The following GPR160 variants were observed in gnomAD, a reference collection of about 807,000 sequenced individuals.
The protein encoded by GPR160 is G protein-coupled receptor 160, also known as probable G protein-coupled receptor 160.
Under a neutral mutation model 2.6 loss-of-function variants are expected in GPR160, and 2 were observed. The ratio of observed to expected loss-of-function variants is 0.77; its 90% CI spans 0.32 to 2.44. GPR160 has a LOEUF of 2.44. Ranked by LOEUF, GPR160 falls within the 30% of genes most tolerant of loss-of-function variation. GPR160 has a pLI of 0.11. For missense variants in GPR160, 351 were observed against 383.6 expected (o/e 0.91, Z 0.71); for synonymous variants, 130 against 132.2 (o/e 0.98, Z 0.12).
intron 2 of GPR160, among the ~76,000 whole-genome samples, chr3:170,076,352 C>CT (rs958495241): frequency 5.9e-5 from 9 of 151,310 alleles, no homozygotes; most frequent in African/African-American, 1.9e-4. Flanking sequence ...AGTTGAGTGA[C>CT]TTTTTTTTTC....
intron 2 of GPR160, among the ~76,000 whole-genome samples, chr3:170,055,861 C>T (rs1177533734): frequency 6.6e-6 from 1 of 152,162 alleles, no homozygotes; most frequent in African/African-American, 2.4e-5. Context: ...GTCTCGATCT[C>T]CTCACTTCGT....
At chr3:170,071,704 G>A (rs1712604661) in intron 2 of GPR160, among the ~76,000 whole-genome samples, 1 of 152,152 alleles carries the variant, frequency 6.6e-6, no homozygotes, top group South Asian at 2.1e-4. Context: ...GCTGAGGTAG[G>A]AGAATCGCAC....
chr3:170,058,294 A>G (rs1395128726), intron 2 of GPR160, among the ~76,000 whole-genome samples: 2 of 152,076 alleles, frequency 1.3e-5, no homozygotes, highest in African/African-American at 2.4e-5. Context: ...CGGCACCCAT[A>G]TGGGTTTCAG....
At chr3:170,079,073 G>A (rs1713003404) in intron 2 of GPR160, among the ~76,000 whole-genome samples, 1 of 152,200 alleles carries the variant, frequency 6.6e-6, no homozygotes, top group Admixed American at 6.5e-5. Flanking sequence ...CCCTGAAAGG[G>A]GGGACAGTAA....
intron 2 of GPR160, among the ~76,000 whole-genome samples, chr3:170,049,124 G>C (rs2108313508): frequency 6.6e-6 from 1 of 152,246 alleles, no homozygotes; most frequent in East Asian, 1.9e-4. Context: ...ACAAGAGCAG[G>C]CTCCCCTCAG....
At chr3:170,072,067 C>CT (rs1202875086) in intron 2 of GPR160, among the ~76,000 whole-genome samples, 4,006 of 86,120 alleles carry the variant, frequency 0.047, 319 homozygotes, top group African/African-American at 0.13. Flanking sequence ...TGTATACAAG[C>CT]TTTTTTTTTT....
chr3:170,042,808 T>C (rs1197764699), intron 2 of GPR160, among the ~76,000 whole-genome samples: 4 of 132,582 alleles, frequency 3.0e-5, no homozygotes, highest in African/African-American at 8.7e-5. Flanking sequence ...GCCTGGACGA[T>C]AGGGCAAGAC....
chr3:170,063,840 C>T (rs932008040), intron 2 of GPR160, among the ~76,000 whole-genome samples: 2 of 152,050 alleles, frequency 1.3e-5, no homozygotes, highest in African/African-American at 4.8e-5. Context: ...AGCTCGTGGC[C>T]CTGAGCGCGG....
At chr3:170,072,804 C>A (rs1271383677) in intron 2 of GPR160, among the ~76,000 whole-genome samples, 1 of 152,164 alleles carries the variant, frequency 6.6e-6, no homozygotes, top group Non-Finnish European at 1.5e-5. Context: ...CTAGGCTCCA[C>A]CTTCAGCATT....
intron 2 of GPR160, among the ~76,000 whole-genome samples, chr3:170,065,339 T>G (rs780606546): frequency 3.3e-5 from 5 of 152,214 alleles, no homozygotes; most frequent in Non-Finnish European, 4.4e-5. Context: ...TTCAAAGATA[T>G]TTGGAATTTC....
chr3:170,039,300 A>G (rs1716342635), intron 2 of GPR160, among the ~76,000 whole-genome samples: 1 of 152,348 alleles, frequency 6.6e-6, no homozygotes, highest in East Asian at 1.9e-4. Context: ...CTTGGTTGCT[A>G]TGCGAATTGC....
chr3:170,045,086 G>A (rs1716648186), intron 2 of GPR160, among the ~76,000 whole-genome samples: 1 of 152,032 alleles, frequency 6.6e-6, no homozygotes, highest in Non-Finnish European at 1.5e-5. Context: ...TTCTTCCCAT[G>A]TACGTGTGCC....
chr3:170,051,554 G>A (rs911283818), intron 2 of GPR160, among the ~76,000 whole-genome samples: 2 of 152,004 alleles, frequency 1.3e-5, no homozygotes, highest in African/African-American at 2.4e-5. Flanking sequence ...GCGAAACCCC[G>A]CCTCTACTAA....
chr3:170,081,508 C>T (rs1442352902), intron 3 of GPR160, among the ~76,000 whole-genome samples: 2 of 152,134 alleles, frequency 1.3e-5, no homozygotes, highest in Non-Finnish European at 2.9e-5. Context: ...AATAAGTTAT[C>T]TTATGACAGA....
At chr3:170,064,198 A>C (rs1712167503) in intron 2 of GPR160, among the ~76,000 whole-genome samples, 1 of 152,174 alleles carries the variant, frequency 6.6e-6, no homozygotes, top group African/African-American at 2.4e-5. Context: ...TTACGTACTT[A>C]ATACCCCTGC....
rs1457085738 is a variant in GPR160, at chr3:170,071,923, T to C, written c.-192-7851T>C. 3.9e-5 allele frequency among the ~76,000 whole-genome samples: 6 copies of C among 152,206 alleles called. No homozygotes were observed. The South Asian group carries it at 1.0e-3, about 26-fold the overall frequency. ...TTGAGGCTTTTCCCTGTGTGGAGCATATATTAATTTTTGTTGCTGAGAAGT... is the reference window on the plus strand; with the variant it reads ...TTGAGGCTTTTCCCTGTGTGGAGCACATATTAATTTTTGTTGCTGAGAAGT... On this transcript the variant is annotated intron_variant, in intron 2 of 3. Coordinates refer to ENST00000355897, the MANE Select transcript of GPR160 (RefSeq NM_014373.3).
At position 170,084,774 on chromosome 3, in the gene GPR160, C is replaced by A. The variant is rs1433965151; in HGVS notation, c.802C>A (p.Gln268Lys). 3 of 1,604,074 alleles carry A rather than the reference C, an allele frequency of 1.9e-6. No homozygotes were observed. Among genetic ancestry groups the A allele is most frequent in the South Asian group, 2.2e-5 (2 of 90,730 alleles). The change falls in exon 4 of 4, where the codon CAG (glutamine) becomes AAG (lysine). Residue 268 changes from glutamine to lysine, a missense_variant. Gln to Lys is a moderately conservative substitution (Grantham distance 53, BLOSUM62 1). Coordinates refer to ENST00000355897, the MANE Select transcript of GPR160 (RefSeq NM_014373.3). ...GGTAATCATTGTTTTACTTAAAGTTCAGATTCCAGCATATATTGAGATGAA... is the reference window on the plus strand; with the variant it reads ...GGTAATCATTGTTTTACTTAAAGTTAAGATTCCAGCATATATTGAGATGAA... ...LQVIIVLLKV[Q>K]IPAYIEMNIP...
chr3:170,062,699 C>A, intron 2 of GPR160: 1 of 1,415,092 alleles, frequency 7.1e-7, no homozygotes, highest in East Asian at 2.3e-5. Context: ...CAAACAGGCC[C>A]CCGAAAAAAA....
Position 170,056,489 on chromosome 3 carries a change from CTCACA to C in GPR160, c.-193+17448_-193+17452del, listed in dbSNP as rs1711648861. Among the ~76,000 whole-genome samples, 3 of 152,130 alleles carry C rather than the reference CTCACA, an allele frequency of 2.0e-5. No individual in the cohort carries two copies. The South Asian group carries it at 6.2e-4, about 32-fold the overall frequency. ...ATAACAGCCCGGGGAAACAGGTTAG[CTCACA>C]TGATACCACAGTTAGACGGTGGGAA... On this transcript the variant is annotated intron_variant, in intron 2 of 3. Transcript: ENST00000355897.
Sources: gnomAD v4.1 joint callset for allele counts (sites outside exome capture counted in the v4.1 genomes callset) on GRCh38, gnomAD v4.1.1 for gene constraint, MANE v1.5 for transcripts, NCBI Gene and HGNC (gene_info 2026-07-23, HGNC 2026-07-21) for gene names.